Variants in SLC9A8 observed in about 807,000 individuals in gnomAD.
The protein encoded by SLC9A8 is sodium/hydrogen exchanger 8.
In SLC9A8, 48 loss-of-function variants were observed where a neutral mutation model predicts 66.6. The ratio of observed to expected loss-of-function variants is 0.72; its 90% confidence interval spans 0.57 to 0.92. The LOEUF (loss-of-function observed/expected upper bound fraction) is 0.92, where lower values mean the gene tolerates loss of function less well. Among genes scored for constraint, SLC9A8 ranks in the 40% least tolerant of loss-of-function variants. SLC9A8 has a pLI of 0.00. For synonymous variants in SLC9A8, 274 were observed against 282.6 expected, an observed-to-expected ratio of 0.97 and a Z score of 0.31; for missense variants, 599 against 747.3, an observed-to-expected ratio of 0.80 and a Z score of 2.31.
At chr20:49,867,493 A>G (rs887743877) in intron 10 of SLC9A8, among the ~76,000 whole-genome samples, 4 of 152,030 alleles carry the variant, frequency 2.6e-5, no homozygotes, top group African/African-American at 9.7e-5. Context: ...ACTTCTTTTT[A>G]ATGGTTCTTT....
At chr20:49,879,588 G>T (rs562337762) in intron 12 of SLC9A8, among the ~76,000 whole-genome samples, 1 of 152,334 alleles carries the variant, frequency 6.6e-6, no homozygotes, top group East Asian at 1.9e-4. Context: ...ACTTTGGGAG[G>T]CTGAGGCGGG....
Position 49,889,465 on chromosome 20 carries a change from T to A in SLC9A8, c.*1529T>A, listed in dbSNP as rs2089994447. 6.6e-6 allele frequency: 1 copy of A among 152,224 alleles called. No homozygotes were observed. Among genetic ancestry groups the A allele is most frequent in the African/African-American group, 2.4e-5 (1 of 41,404 alleles). The allele number at this position is 152,224 out of a possible 1,614,324, so 9.4% of individuals were successfully genotyped here. On this transcript the variant is annotated 3_prime_UTR_variant, in exon 16 of 16. Coordinates refer to ENST00000361573, the MANE Select transcript of SLC9A8 (RefSeq NM_015266.3). ...ACCTCAGGCAGTGTGGCTCCAGATG[T>A]CAGGAGGGACTGACCTCAGGACCTT...
intron 3 of SLC9A8, chr20:49,830,500 A>G (rs1483434984): frequency 1.3e-6 from 1 of 762,754 alleles, no homozygotes; most frequent in East Asian, 2.6e-5. Context: ...TGCTACGTGG[A>G]CATGTCAACG....
At chr20:49,837,893 A>G (rs76811778) in intron 3 of SLC9A8, among the ~76,000 whole-genome samples, 1 of 152,156 alleles carries the variant, frequency 6.6e-6, no homozygotes. Context: ...TTTTTATACT[A>G]TCCTGCCCAG....
chr20:49,850,824 T>C lies in SLC9A8; in HGVS notation c.549T>C (p.Ser183=), dbSNP rs780201322. The C allele has an allele frequency of 1.2e-6, 2 of 1,611,056 alleles. No homozygotes were observed. The highest frequency in any genetic ancestry group is 2.2e-5 in the East Asian group (1 of 44,882). Reference sequence around the variant, plus strand: ...TTATTTTACAGGCTGATGTAATCTCTAAACTCAACATGACAGACAGGTAAA... The same window carrying C: ...TTATTTTACAGGCTGATGTAATCTCCAAACTCAACATGACAGACAGGTAAA... ...IYFLGQADVI[S]KLNMTDSFAF... The change falls in exon 7 of 16, where the codon TCT becomes TCC. Residue 183 remains serine (S), a synonymous_variant. Transcript: ENST00000361573.
At chr20:49,826,101 TTGCTTTCAA>T (rs1330883807) in intron 3 of SLC9A8, among the ~76,000 whole-genome samples, 1 of 152,214 alleles carries the variant, frequency 6.6e-6, no homozygotes, top group African/African-American at 2.4e-5. Context: ...AAAGGCAGTC[TTGCTTTCAA>T]TGCTTACTTG....
chr20:49,862,934 C>A lies in SLC9A8; in HGVS notation c.719C>A (p.Ala240Asp), dbSNP rs1328357805. ...DAVSIVLTNT[A>D]EGLTRKNMSD... is the part of the protein sequence containing the mutation. ...TGTTTTCTTTCATTTCCTAGCACAG[C>A]TGAAGGTTTAACAAGAAAAAATATG... Residue 240 changes from alanine (A) to aspartate (D), a missense_variant, in exon 9 of 16, where the codon GCT becomes GAT. By Grantham distance (126) the Ala-to-Asp change is moderately radical. Coordinates refer to ENST00000361573, the MANE Select transcript of SLC9A8 (RefSeq NM_015266.3). The A allele has an allele frequency of 6.2e-7, 1 of 1,610,456 alleles. No individual in the cohort carries two copies. Among genetic ancestry groups the A allele is most frequent in the East Asian group, 2.2e-5 (1 of 44,860 alleles).
At chr20:49,841,634 G>A (rs576641665) in intron 4 of SLC9A8, among the ~76,000 whole-genome samples, 3 of 151,526 alleles carry the variant, frequency 2.0e-5, no homozygotes, top group South Asian at 2.1e-4. Flanking sequence ...TTGGTTGTCC[G>A]GGCTAGAGTG....
Position 49,886,728 on chromosome 20 carries a change from G to A in SLC9A8, c.1492-24G>A, listed in dbSNP as rs772081918. On this transcript the variant is annotated intron_variant, in intron 14 of 15. Transcript: ENST00000361573. The surrounding 1 kb of genome is among the most constrained non-coding windows in gnomAD (Gnocchi z 4.8). ...CCGATGGTGCCAGCTGGTGGCCGTCGGGCCGCCTTTCCTCCCTGCTCAGGG... is the reference window on the plus strand; with the variant it reads ...CCGATGGTGCCAGCTGGTGGCCGTCAGGCCGCCTTTCCTCCCTGCTCAGGG... 3.1e-6 allele frequency: 5 copies of A among 1,602,726 alleles called. No homozygotes were observed. Among genetic ancestry groups the A allele is most frequent in the South Asian group, 2.2e-5 (2 of 89,786 alleles).
intron 11 of SLC9A8, 36 bp downstream of exon 11, chr20:49,874,857 A>T (rs759943369): frequency 7.3e-7 from 1 of 1,366,856 alleles, no homozygotes; most frequent in Non-Finnish European, 1.0e-6. Context: ...GAGCAGGCCC[A>T]CCCAGAGCTG....
chr20:49,820,199 A>G (rs1356311152), intron 2 of SLC9A8, among the ~76,000 whole-genome samples: 1 of 152,182 alleles, frequency 6.6e-6, no homozygotes, highest in East Asian at 1.9e-4. Context: ...GGTTTTAAAA[A>G]AATGATAGAC....
intron 7 of SLC9A8, among the ~76,000 whole-genome samples, chr20:49,851,900 T>A (rs1600724234): frequency 6.6e-6 from 1 of 152,192 alleles, no homozygotes; most frequent in African/African-American, 2.4e-5. Flanking sequence ...TCCACTTGTT[T>A]TGGGGGCAAC....
intron 14 of SLC9A8, 23 bp downstream of exon 14, chr20:49,884,089 G>C (rs1252724155): frequency 6.2e-7 from 1 of 1,604,376 alleles, no homozygotes; most frequent in South Asian, 1.1e-5. Flanking sequence ...CGCCTGTGGG[G>C]GTGGGGCAGG....
rs141972354 is a variant in SLC9A8 at position 49,886,356 on chromosome 20, G to A, written c.1492-396G>A. On this transcript the variant is annotated intron_variant, in intron 14 of 15. Transcript: ENST00000361573. This position sits in a 1 kb window ranked among gnomAD's most constrained non-coding sequence, Gnocchi z 4.8. The stretch of plus-strand genomic sequence containing the variant: ...ACTTGATTGGCAAAAGCCTGTCCAC[G>A]GTGGAGTCCTAGCTAATAGAGCCAC... The A allele has an allele frequency of 2.5e-3, 400 of 158,922 alleles. 3 individuals carry two copies. In the Middle Eastern group the frequency reaches 0.025, roughly 10 times the overall value. 9.8% of individuals were successfully genotyped at this position (158,922 alleles called of 1,614,324 possible).
At chr20:49,835,465 C>T (rs2087492279) in intron 3 of SLC9A8, among the ~76,000 whole-genome samples, 1 of 152,058 alleles carries the variant, frequency 6.6e-6, no homozygotes, top group Non-Finnish European at 1.5e-5. Context: ...AGAACATTTT[C>T]ATTACCCCAA....
At chr20:49,820,768 A>C (rs2086709988) in intron 2 of SLC9A8, among the ~76,000 whole-genome samples, 1 of 150,822 alleles carries the variant, frequency 6.6e-6, no homozygotes, top group Non-Finnish European at 1.5e-5. Flanking sequence ...CTGGTCTTGA[A>C]CTCCGACCTC....
intron 8 of SLC9A8, among the ~76,000 whole-genome samples, chr20:49,862,597 G>A (rs1840433385): frequency 6.6e-6 from 1 of 152,044 alleles, no homozygotes; most frequent in East Asian, 1.9e-4. Flanking sequence ...CCTTGAGCCC[G>A]GCCAGTCTGA....
At position 49,874,733 on chromosome 20, in the gene SLC9A8, C is replaced by T. The variant is rs144686154; in HGVS notation, c.987C>T (p.Ile329=). The change falls in exon 11 of 16, where the codon ATC becomes ATT. Residue 329 remains isoleucine (I), a synonymous_variant. Coordinates refer to ENST00000361573, the MANE Select transcript of SLC9A8 (RefSeq NM_015266.3). ...TCATGGCCATCCTTTTCTCAGGCAT[C>T]GTGATGTCCCACTACACGCACCATA... is the stretch of plus-strand genomic sequence containing the variant. ...SGIMAILFSG[I]VMSHYTHHNL... 11 of 1,612,450 alleles carry T rather than the reference C, an allele frequency of 6.8e-6. No homozygotes were observed. Among genetic ancestry groups the T allele is most frequent in the South Asian group, 1.1e-5 (1 of 91,040 alleles).
chr20:49,866,521 CTT>C (rs1179103470), intron 10 of SLC9A8, among the ~76,000 whole-genome samples: 1 of 152,192 alleles, frequency 6.6e-6, no homozygotes, highest in East Asian at 1.9e-4. Flanking sequence ...TGCCACCACA[CTT>C]ATTTTAATTT....
Sources: gnomAD v4.1 joint callset for allele counts (sites outside exome capture counted in the v4.1 genomes callset) on GRCh38, gnomAD v4.1.1 for gene constraint, Gnocchi (gnomAD v3.1) non-coding constraint, MANE v1.5 for transcripts, NCBI Gene and HGNC (gene_info 2026-07-23, HGNC 2026-07-21) for gene names.